The following CHD9 variants were observed in gnomAD, a reference collection of about 807,000 sequenced individuals.
CHD9 encodes chromodomain helicase DNA binding protein 9.
Under a neutral mutation model 316.1 loss-of-function variants are expected in CHD9, and 77 were observed. The observed-to-expected ratio is 0.24, with a 90% CI of 0.20 to 0.29. CHD9 has a LOEUF of 0.29. Among genes scored for constraint, CHD9 ranks in the 10% least tolerant of loss-of-function variants. The pLI is 1.00. For missense variants in CHD9, 2,763 were observed against 3,438.1 expected (o/e 0.80, Z 4.91); for synonymous variants, 1,129 against 1,158.3 (o/e 0.97, Z 0.51).
chr16:53,181,415 A>G (rs2043510428), intron 2 of CHD9, among the ~76,000 whole-genome samples: 1 of 152,140 alleles, frequency 6.6e-6, no homozygotes, highest in African/African-American at 2.4e-5. Flanking sequence ...CGCAATTACT[A>G]TGGTACAGTA....
At chr16:53,157,635 TC>T (rs1366446523) in intron 2 of CHD9, 94 bp downstream of exon 2, 47 of 1,194,534 alleles carry the variant, frequency 3.9e-5, no homozygotes, top group Non-Finnish European at 5.3e-5. Flanking sequence ...TCAAGATTTC[TC>T]AAACTTGGTA....
At chr16:53,216,483 C>A (rs558510324) in intron 3 of CHD9, among the ~76,000 whole-genome samples, 2 of 152,120 alleles carry the variant, frequency 1.3e-5, no homozygotes, top group Non-Finnish European at 2.9e-5. Context: ...GTATATGTGT[C>A]ATTTTATTTT....
In CHD9 at chr16:53,291,907, CA is replaced by C. The variant is rs1177559661; in HGVS notation, c.5290+141del. 48 of 484,930 alleles carry C rather than the reference CA, an allele frequency of 9.9e-5. No individual in the cohort carries two copies. The East Asian group carries it at 1.7e-3, about 17-fold the overall frequency. 30.0% of individuals were successfully genotyped at this position (484,930 alleles called of 1,614,324 possible). On this transcript the variant is annotated intron_variant, in intron 28 of 38. Coordinates refer to ENST00000447540, the MANE Select transcript of CHD9 (RefSeq NM_001308319.2). The stretch of plus-strand genomic sequence containing the variant: ...GACTGCCATTGTAATCGTTATAGGA[CA>C]TACTAGTTGACTGGGAATTTAACTA...
chr16:53,095,246 TG>T (rs1421420578), intron 1 of CHD9, among the ~76,000 whole-genome samples: 2 of 152,188 alleles, frequency 1.3e-5, no homozygotes, highest in Non-Finnish European at 1.5e-5. Context: ...TGTTTTTTCT[TG>T]TGTAAAGGAA....
chr16:53,310,878 T>C (rs1427644117), intron 34 of CHD9: 1 of 147,428 alleles, frequency 6.8e-6, no homozygotes. Context: ...ATAATAATAA[T>C]AATAATAATA....
chr16:53,218,358 C>CT (rs11438842), intron 3 of CHD9, among the ~76,000 whole-genome samples: 5,829 of 152,122 alleles, frequency 0.038, 374 homozygotes, highest in African/African-American at 0.13. Context: ...TAACAAAAGG[C>CT]TTATCTGAGG....
chr16:53,243,496 A>G (rs1235279537), intron 13 of CHD9, among the ~76,000 whole-genome samples: 1 of 152,174 alleles, frequency 6.6e-6, no homozygotes, highest in Non-Finnish European at 1.5e-5. Flanking sequence ...TATTTTTAGT[A>G]GAGATGGGGT....
chr16:53,108,977 A>G (rs2037609955), intron 1 of CHD9, among the ~76,000 whole-genome samples: 1 of 152,218 alleles, frequency 6.6e-6, no homozygotes, highest in South Asian at 2.1e-4. Flanking sequence ...ATGAGGAAAG[A>G]GAGTAAGATG....
chr16:53,142,695 A>G (rs1275082945), intron 1 of CHD9, among the ~76,000 whole-genome samples: 3 of 152,252 alleles, frequency 2.0e-5, no homozygotes, highest in African/African-American at 4.8e-5. Context: ...TCCTTCAACT[A>G]TGCCATGACT....
At chr16:53,084,080 G>A (rs1243197936) in intron 1 of CHD9, among the ~76,000 whole-genome samples, 4 of 151,894 alleles carry the variant, frequency 2.6e-5, no homozygotes, top group Non-Finnish European at 4.4e-5. Context: ...TTTTGTAGAG[G>A]TGAGGTCTCA....
chr16:53,163,320 C>T (rs1185827385), intron 2 of CHD9, among the ~76,000 whole-genome samples: 4 of 152,174 alleles, frequency 2.6e-5, no homozygotes, highest in African/African-American at 7.2e-5. Context: ...AAGCAATTCT[C>T]CTGCCTCAGC....
At chr16:53,170,272 T>A (rs2042605318) in intron 2 of CHD9, among the ~76,000 whole-genome samples, 2 of 152,118 alleles carry the variant, frequency 1.3e-5, no homozygotes, top group African/African-American at 2.4e-5. Context: ...GTGTTAAAAA[T>A]CATTGTACTA....
At chr16:53,171,642 C>T (rs1490831259) in intron 2 of CHD9, among the ~76,000 whole-genome samples, 1 of 151,646 alleles carries the variant, frequency 6.6e-6, no homozygotes, top group Admixed American at 6.6e-5. Flanking sequence ...TGAGCTGAGG[C>T]GTTTGAGACC....
In CHD9 at chr16:53,303,845, C is replaced by G. The variant is rs752437688; in HGVS notation, c.5839C>G (p.Arg1947Gly). 6.2e-7 allele frequency: 1 copy of G among 1,613,984 alleles called. No homozygotes were observed. The highest frequency in any genetic ancestry group is 2.2e-5 in the East Asian group (1 of 44,880). Residue 1947 changes from arginine (R) to glycine (G), a missense_variant, in exon 31 of 39, where the codon CGC becomes GGC. Arg to Gly is a moderately radical substitution (Grantham distance 125). This residue lies in a region of CHD9 where 663 missense variants were observed against 751.2 expected (regional missense o/e 0.88). Transcript: ENST00000447540. ...QALRHPQLFE[R>G]LKLCHPNPDL... ...CCTTCGACATCCACAGTTGTTTGAACGCTTGAAGCTTTGCCATCCAAATCC... is the reference window on the plus strand; with the variant it reads ...CCTTCGACATCCACAGTTGTTTGAAGGCTTGAAGCTTTGCCATCCAAATCC...
chr16:53,273,703 G>C lies in CHD9; in HGVS notation c.4795G>C (p.Ala1599Pro). Residue 1599 changes from alanine (A) to proline (P), a missense_variant, in exon 23 of 39, where the codon GCA becomes CCA. By Grantham distance (27) the Ala-to-Pro change is conservative. Around this residue, in one of 15 missense-constraint regions of CHD9, gnomAD observed 99 missense variants for 131.6 expected, o/e 0.75. Transcript: ENST00000447540. ...AACAAGCTCATTTGATATACAAAAA[G>C]CAGAATGGCTTCGAAAATATAATCC... is the stretch of plus-strand genomic sequence containing the variant. The part of the protein sequence containing the change: ...TQTSSFDIQK[A>P]EWLRKYNPEQ... 6.2e-7 allele frequency: 1 copy of C among 1,613,470 alleles called. No homozygotes were observed. Among genetic ancestry groups the C allele is most frequent in the Non-Finnish European group, 8.5e-7 (1 of 1,179,608 alleles).
At chr16:53,188,882 G>A (rs1283529405) in intron 2 of CHD9, among the ~76,000 whole-genome samples, 2 of 151,874 alleles carry the variant, frequency 1.3e-5, no homozygotes, top group Non-Finnish European at 2.9e-5. Flanking sequence ...ACCGTGCCTA[G>A]CATTGTATCT....
chr16:53,134,652 A>G (rs1445807835), intron 1 of CHD9, among the ~76,000 whole-genome samples: 3 of 152,134 alleles, frequency 2.0e-5, no homozygotes, highest in African/African-American at 7.2e-5. Context: ...CATTTCCTCT[A>G]CTGTATTGTC....
chr16:53,232,542 G>C (rs1284632923), intron 10 of CHD9, among the ~76,000 whole-genome samples: 1 of 151,948 alleles, frequency 6.6e-6, no homozygotes, highest in South Asian at 2.1e-4. Flanking sequence ...GTGTTTTTTT[G>C]TTTTGTTTTG....
chr16:53,121,131 A>G (rs922564683), intron 1 of CHD9, among the ~76,000 whole-genome samples: 1 of 152,270 alleles, frequency 6.6e-6, no homozygotes, highest in Non-Finnish European at 1.5e-5. Context: ...TTTAGAAAAT[A>G]ATTGGCCATG....
Sources: gnomAD v4.1 joint callset for allele counts (sites outside exome capture counted in the v4.1 genomes callset) on GRCh38, gnomAD v4.1.1 for gene constraint, gnomAD v4.1.1 regional missense constraint, MANE v1.5 for transcripts, NCBI Gene and HGNC (gene_info 2026-07-23, HGNC 2026-07-21) for gene names.